Variants in SERINC1 observed in about 807,000 individuals in gnomAD.
SERINC1 encodes the protein serine incorporator 1.
A neutral mutation model predicts 52.9 loss-of-function variants in SERINC1; 38 were observed. The ratio of observed to expected loss-of-function variants is 0.72; its 90% CI spans 0.55 to 0.94. The LOEUF is 0.94. Ranked by LOEUF, SERINC1 falls within the 40% of genes least tolerant of loss-of-function variation. The pLI is 0.00. For missense variants in SERINC1, 471 were observed against 533.9 expected, an observed-to-expected ratio of 0.88 and a Z score of 1.16; for synonymous variants, 198 against 183.1, an observed-to-expected ratio of 1.08 and a Z score of -0.66.
intron 6 of SERINC1, 22 bp from the exon 7 acceptor site, chr6:122,451,776 A>AAAAAATATACATATATATATATATATAT: frequency 4.2e-5 from 4 of 95,480 alleles, no homozygotes; most frequent in African/African-American, 3.1e-4. Context: ...AAAAAAAAAA[A>AAAAAATATACATATATATATATATATAT]ATATATATAT....
chr6:122,462,323 CCT>C (rs1775119220), intron 1 of SERINC1, among the ~76,000 whole-genome samples: 1 of 152,164 alleles, frequency 6.6e-6, no homozygotes, highest in Admixed American at 6.5e-5. Flanking sequence ...AGGCAAAATA[CCT>C]CTCTCACCAT....
chr6:122,465,548 G>T (rs946560335), intron 1 of SERINC1, among the ~76,000 whole-genome samples: 3 of 152,142 alleles, frequency 2.0e-5, no homozygotes, highest in African/African-American at 7.2e-5. Flanking sequence ...TTGGAGACTG[G>T]AAGTGTACCC....
chr6:122,464,265 C>A (rs1775151113), intron 1 of SERINC1, among the ~76,000 whole-genome samples: 1 of 151,898 alleles, frequency 6.6e-6, no homozygotes, highest in Non-Finnish European at 1.5e-5. Flanking sequence ...GTAAATTATA[C>A]CTTAACTAAA....
At chr6:122,465,677 C>T (rs1775178526) in intron 1 of SERINC1, among the ~76,000 whole-genome samples, 1 of 152,062 alleles carries the variant, frequency 6.6e-6, no homozygotes, top group South Asian at 2.1e-4. Context: ...CTTGAGTGTC[C>T]CACTCCTAAA....
chr6:122,468,586 A>T (rs1282699067), intron 1 of SERINC1, among the ~76,000 whole-genome samples: 2 of 152,032 alleles, frequency 1.3e-5, no homozygotes, highest in Non-Finnish European at 2.9e-5. Flanking sequence ...GCTTTGCTTA[A>T]AAATATGTTT....
chr6:122,469,504 G>C (rs1011199917), intron 1 of SERINC1, among the ~76,000 whole-genome samples: 1 of 151,338 alleles, frequency 6.6e-6, no homozygotes, highest in African/African-American at 2.4e-5. Flanking sequence ...AGCCACCCGA[G>C]TGGGATTACA....
chr6:122,466,545 C>A (rs546805668), intron 1 of SERINC1, among the ~76,000 whole-genome samples: 77 of 152,178 alleles, frequency 5.1e-4, no homozygotes, highest in South Asian at 2.5e-3. Context: ...CAGTGTTTTG[C>A]CATGTTGCCA....
At chr6:122,471,654 T>C (rs1775304262) in intron 1 of SERINC1, 45 bp downstream of exon 1, 2 of 1,613,618 alleles carry the variant, frequency 1.2e-6, no homozygotes, top group Non-Finnish European at 8.5e-7. Flanking sequence ...GCCTTCTCTT[T>C]GGTCTCTCAC....
At chr6:122,451,776 A>AAAAAAATATATATAT in intron 6 of SERINC1, 22 bp from the exon 7 acceptor site, 11 of 113,062 alleles carry the variant, frequency 9.7e-5, no homozygotes, top group East Asian at 6.7e-4. Context: ...AAAAAAAAAA[A>AAAAAAATATATATAT]ATATATATAT....
intron 1 of SERINC1, among the ~76,000 whole-genome samples, chr6:122,469,094 A>C (rs1775231981): frequency 6.6e-6 from 1 of 152,172 alleles, no homozygotes; most frequent in South Asian, 2.1e-4. Flanking sequence ...GCCATGAACC[A>C]AGGATTATGA....
chr6:122,470,602 G>A (rs1775271247), intron 1 of SERINC1, among the ~76,000 whole-genome samples: 1 of 152,104 alleles, frequency 6.6e-6, no homozygotes, highest in African/African-American at 2.4e-5. Context: ...CGTGCAAGAA[G>A]AAATACCATA....
At chr6:122,470,071 C>G (rs910058953) in intron 1 of SERINC1, among the ~76,000 whole-genome samples, 15 of 152,138 alleles carry the variant, frequency 9.9e-5, no homozygotes, top group Non-Finnish European at 1.8e-4. Flanking sequence ...AAATTCCAAA[C>G]TGAGCACGGT....
At chr6:122,449,521 C>T (rs1774867334) in intron 7 of SERINC1, among the ~76,000 whole-genome samples, 1 of 152,124 alleles carries the variant, frequency 6.6e-6, no homozygotes, top group South Asian at 2.1e-4. Context: ...CAGAGCAAGG[C>T]CCTCTCTCTC....
chr6:122,453,442 A>G (rs1774945718), intron 5 of SERINC1, among the ~76,000 whole-genome samples: 1 of 152,040 alleles, frequency 6.6e-6, no homozygotes, highest in African/African-American at 2.4e-5. Flanking sequence ...TCCCTTTAAT[A>G]TTTTGCTTTT....
At position 122,466,227 on chromosome 6, in the gene SERINC1, A is replaced by T. The variant is rs114958633; in HGVS notation, c.39+5472T>A. ...CACGCCACTACGCTCCATCCCGGGCAACAAAGCAAGACTAGGTGAAACAGA... is the reference window on the plus strand; with the variant it reads ...CACGCCACTACGCTCCATCCCGGGCTACAAAGCAAGACTAGGTGAAACAGA... On this transcript the variant is annotated intron_variant, in intron 1 of 9. Transcript: ENST00000339697. 7.9e-3 allele frequency among the ~76,000 whole-genome samples: 1,203 copies of T among 152,320 alleles called. 23 individuals are homozygous for T. The highest frequency in any genetic ancestry group is 0.027 in the African/African-American group (1,124 of 41,560).
At chr6:122,449,301 T>G (rs1438715271) in intron 7 of SERINC1, among the ~76,000 whole-genome samples, 1 of 152,246 alleles carries the variant, frequency 6.6e-6, no homozygotes, top group Non-Finnish European at 1.5e-5. Flanking sequence ...GGTCAAAAGC[T>G]AGGCCTTCTG....
chr6:122,452,904 T>G (rs1774935997), intron 5 of SERINC1, among the ~76,000 whole-genome samples: 2 of 152,138 alleles, frequency 1.3e-5, no homozygotes, highest in African/African-American at 4.8e-5. Flanking sequence ...AGAGGAATAT[T>G]AGGCCAGCAG....
At chr6:122,467,291 T>C (rs1372960383) in intron 1 of SERINC1, among the ~76,000 whole-genome samples, 1 of 152,134 alleles carries the variant, frequency 6.6e-6, no homozygotes, top group Non-Finnish European at 1.5e-5. Flanking sequence ...GGGAAAAGTC[T>C]GAGGTTAAAT....
At chr6:122,449,431 G>A (rs1246805463) in intron 7 of SERINC1, among the ~76,000 whole-genome samples, 2 of 152,214 alleles carry the variant, frequency 1.3e-5, no homozygotes, top group African/African-American at 2.4e-5. Context: ...CAGTCTTATT[G>A]CTGATATGGA....
Sources: allele counts gnomAD v4.1 joint callset (sites outside exome capture counted in the v4.1 genomes callset), GRCh38; gene constraint gnomAD v4.1.1; transcripts MANE v1.5; gene names NCBI Gene and HGNC (gene_info 2026-07-23, HGNC 2026-07-21).